Variants in CPNE4 observed in about 807,000 individuals in gnomAD.
CPNE4 encodes copine 4.
Under a neutral mutation model 67.9 loss-of-function variants are expected in CPNE4, and 25 were observed. The ratio of observed to expected loss-of-function variants is 0.37; its 90% confidence interval spans 0.27 to 0.51. The LOEUF (loss-of-function observed/expected upper bound fraction) is 0.51. Among genes scored for constraint, CPNE4 ranks in the 20% least tolerant of loss-of-function variants. The pLI is 0.93. For synonymous variants in CPNE4, 242 were observed against 244.9 expected (o/e 0.99, Z 0.11); for missense variants, 464 against 690.8 (o/e 0.67, Z 3.68).
At chr3:131,690,684 A>G (rs559311788) in intron 5 of CPNE4, among the ~76,000 whole-genome samples, 1 of 152,240 alleles carries the variant, frequency 6.6e-6, no homozygotes, top group East Asian at 1.9e-4. Flanking sequence ...TGTAACAAAG[A>G]ATATTGACAA....
At chr3:131,835,716 C>T (rs978653852) in intron 2 of CPNE4, among the ~76,000 whole-genome samples, 15 of 152,020 alleles carry the variant, frequency 9.9e-5, no homozygotes, top group Admixed American at 9.8e-4. Context: ...TGCCTCTCCC[C>T]AATAAGTGTA....
At chr3:131,949,094 T>C (rs1236469807) in intron 1 of CPNE4, among the ~76,000 whole-genome samples, 1 of 152,218 alleles carries the variant, frequency 6.6e-6, no homozygotes, top group Admixed American at 6.5e-5. Context: ...GTCATGATTA[T>C]ATGTAAAGGA....
At chr3:131,733,072 C>T (rs1039613662) in intron 2 of CPNE4, among the ~76,000 whole-genome samples, 2 of 152,222 alleles carry the variant, frequency 1.3e-5, no homozygotes, top group Non-Finnish European at 2.9e-5. Flanking sequence ...TTATGACTTA[C>T]TGTTTTACAC....
At chr3:131,997,562 G>T (rs1242251980) in intron 1 of CPNE4, among the ~76,000 whole-genome samples, 1 of 152,102 alleles carries the variant, frequency 6.6e-6, no homozygotes, top group Non-Finnish European at 1.5e-5. Flanking sequence ...GAGAAAAAGA[G>T]ATATATTTTA....
intron 2 of CPNE4, among the ~76,000 whole-genome samples, chr3:131,789,833 A>G (rs1471339467): frequency 6.6e-6 from 1 of 152,146 alleles, no homozygotes; most frequent in East Asian, 1.9e-4. Flanking sequence ...AATAGAGAAA[A>G]TCAAGTTAGA....
intron 2 of CPNE4, among the ~76,000 whole-genome samples, chr3:131,823,884 G>GT (rs2085053780): frequency 6.6e-6 from 1 of 152,154 alleles, no homozygotes; most frequent in African/African-American, 2.4e-5. Flanking sequence ...TAACCAGATT[G>GT]TAAGATTTGG....
intron 1 of CPNE4, among the ~76,000 whole-genome samples, chr3:131,975,096 T>A (rs2107623589): frequency 6.6e-6 from 1 of 152,280 alleles, no homozygotes; most frequent in East Asian, 1.9e-4. Context: ...TTTTTAACAA[T>A]GGCTTTAAAA....
intron 2 of CPNE4, among the ~76,000 whole-genome samples, chr3:131,737,260 C>T (rs766510203): frequency 2.6e-5 from 4 of 151,334 alleles, no homozygotes; most frequent in Non-Finnish European, 5.9e-5. Context: ...AGTAGCTGGA[C>T]CTACAGGCAC....
chr3:131,660,283 C>A (rs2080088385), intron 7 of CPNE4, among the ~76,000 whole-genome samples: 1 of 152,124 alleles, frequency 6.6e-6, no homozygotes, highest in Admixed American at 6.6e-5. Context: ...CTAGTGTTGA[C>A]CCCATTTGTA....
chr3:131,792,630 T>C lies in CPNE4; in HGVS notation c.181-69005A>G, dbSNP rs1390858155. Among the ~76,000 whole-genome samples, 17 of 93,390 alleles carry C rather than the reference T, an allele frequency of 1.8e-4. No individual in the cohort carries two copies. The East Asian group carries it at 5.0e-3, about 27-fold the overall frequency. 61.3% of individuals were successfully genotyped at this position (93,390 alleles called of 152,430 possible). On this transcript the variant is annotated intron_variant, in intron 2 of 15. Transcript: ENST00000429747. The stretch of plus-strand genomic sequence containing the variant: ...GTGTGTGTATATATGTATATATATA[T>C]ACACACGTGTATATATGTATATATA...
chr3:131,903,436 A>G (rs2088625541), intron 2 of CPNE4, among the ~76,000 whole-genome samples: 1 of 152,080 alleles, frequency 6.6e-6, no homozygotes, highest in African/African-American at 2.4e-5. Flanking sequence ...CAAACTTAAA[A>G]TCAGTCCTTA....
intron 3 of CPNE4, among the ~76,000 whole-genome samples, chr3:131,711,401 T>C (rs1439532251): frequency 1.3e-5 from 2 of 152,178 alleles, no homozygotes; most frequent in Non-Finnish European, 2.9e-5. Context: ...GGTTTGAATC[T>C]CAGTGGGGAG....
chr3:131,574,457 G>A (rs957378456), intron 10 of CPNE4, among the ~76,000 whole-genome samples: 2 of 151,992 alleles, frequency 1.3e-5, no homozygotes, highest in Non-Finnish European at 2.9e-5. Flanking sequence ...TATACATCAG[G>A]GGTGTGTAAA....
intron 2 of CPNE4, among the ~76,000 whole-genome samples, chr3:131,798,293 G>A (rs1849512): frequency 0.71 from 107,568 of 151,960 alleles, 38,459 homozygotes; most frequent in African/African-American, 0.8. Context: ...ACACTCTTCA[G>A]AGGCCTCACT....
At chr3:131,555,372 C>T (rs1936404653) in intron 12 of CPNE4, 125 bp downstream of exon 12, 1 of 720,944 alleles carries the variant, frequency 1.4e-6, no homozygotes, top group Non-Finnish European at 2.3e-6. Flanking sequence ...AAGACAATTT[C>T]TGACTCTGTA....
At chr3:131,628,848 C>A (rs1382552244) in intron 7 of CPNE4, among the ~76,000 whole-genome samples, 4 of 126,672 alleles carry the variant, frequency 3.2e-5, no homozygotes, top group Non-Finnish European at 5.2e-5. Context: ...CAAAAAAAAC[C>A]AGCTCCTGGA....
intron 7 of CPNE4, among the ~76,000 whole-genome samples, chr3:131,637,326 AATAG>A (rs762855010): frequency 5.3e-5 from 8 of 152,234 alleles, no homozygotes; most frequent in Non-Finnish European, 1.0e-4. Flanking sequence ...TCTTCAGTGA[AATAG>A]ATAGCATAAA....
intron 1 of CPNE4, among the ~76,000 whole-genome samples, chr3:132,016,803 C>CT: frequency 6.6e-6 from 1 of 152,206 alleles, no homozygotes; most frequent in East Asian, 1.9e-4. Context: ...ATCCATCTAG[C>CT]AGTCATATTC....
At chr3:131,965,425 G>A (rs1463383767) in intron 1 of CPNE4, among the ~76,000 whole-genome samples, 1 of 152,106 alleles carries the variant, frequency 6.6e-6, no homozygotes, top group Non-Finnish European at 1.5e-5. Context: ...AAGACACAGA[G>A]TGGAAAATTG....
Sources: allele counts gnomAD v4.1 joint callset (sites outside exome capture counted in the v4.1 genomes callset), GRCh38; gene constraint gnomAD v4.1.1; transcripts MANE v1.5; gene names NCBI Gene and HGNC (gene_info 2026-07-23, HGNC 2026-07-21).